The following ITPKB variants were observed in gnomAD, a reference collection of about 807,000 sequenced individuals.
The protein encoded by ITPKB is IP3 3-kinase B.
ITPKB carries 13 observed loss-of-function variants against 69.4 expected under a neutral mutation model. That is an observed-to-expected ratio of 0.19 (90% CI 0.12 to 0.30). The LOEUF (loss-of-function observed/expected upper bound fraction) is 0.30, where lower values mean the gene tolerates loss of function less well. Ranked by LOEUF, ITPKB falls within the 10% of genes least tolerant of loss-of-function variation. ITPKB has a pLI of 1.00. For synonymous variants in ITPKB, 584 were observed against 513.7 expected, an observed-to-expected ratio of 1.14 and a Z score of -1.85; for missense variants, 1,240 against 1,250.5, an observed-to-expected ratio of 0.99 and a Z score of 0.13.
chr1:226,658,674 G>A (rs747216125), intron 2 of ITPKB, among the ~76,000 whole-genome samples: 3 of 152,206 alleles, frequency 2.0e-5, no homozygotes, highest in South Asian at 2.1e-4. Context: ...TGATGTTCCC[G>A]CAGGCTGGAT....
chr1:226,655,812 G>A (rs1179935168), intron 2 of ITPKB, among the ~76,000 whole-genome samples: 1 of 152,194 alleles, frequency 6.6e-6, no homozygotes, highest in Non-Finnish European at 1.5e-5. Flanking sequence ...GTGCAATTTG[G>A]GGTGGGTAGA....
intron 6 of ITPKB, among the ~76,000 whole-genome samples, chr1:226,638,148 G>A (rs1463325097): frequency 1.3e-5 from 2 of 152,206 alleles, no homozygotes; most frequent in African/African-American, 4.8e-5. Context: ...CTGGAAAAGA[G>A]TGACAGCTGG....
intron 2 of ITPKB, among the ~76,000 whole-genome samples, chr1:226,672,657 T>C (rs570976658): frequency 1.4e-4 from 21 of 152,218 alleles, no homozygotes; most frequent in African/African-American, 5.1e-4. Context: ...GCTGAAAGAA[T>C]TGCCCTCTAA....
At chr1:226,676,049 G>A (rs1471709917) in intron 2 of ITPKB, 1 of 152,184 alleles carries the variant, frequency 6.6e-6, no homozygotes, top group Non-Finnish European at 1.5e-5. Flanking sequence ...CTCTCCAGAG[G>A]TGAAGACTTC....
At chr1:226,733,839 T>C (rs1657667384) in intron 2 of ITPKB, among the ~76,000 whole-genome samples, 1 of 152,214 alleles carries the variant, frequency 6.6e-6, no homozygotes, top group Non-Finnish European at 1.5e-5. Context: ...GATCTCCCTG[T>C]TAATTCTCTT....
At chr1:226,638,160 C>T (rs1385659056) in intron 6 of ITPKB, among the ~76,000 whole-genome samples, 4 of 152,188 alleles carry the variant, frequency 2.6e-5, no homozygotes, top group African/African-American at 4.8e-5. Flanking sequence ...GACAGCTGGC[C>T]GGGCCAGCCG....
At position 226,724,754 on chromosome 1, in the gene ITPKB, G is replaced by A. The variant is rs529580224; in HGVS notation, c.1932+10773C>T. ...TGTACTAAGCAGAAAAACCCCTGCCGAGCTCTCCTGACCATGTCCTTCTGG... is the reference window on the plus strand; with the variant it reads ...TGTACTAAGCAGAAAAACCCCTGCCAAGCTCTCCTGACCATGTCCTTCTGG... On this transcript the variant is annotated intron_variant, in intron 2 of 7. Transcript: ENST00000429204. Among the ~76,000 whole-genome samples the A allele has an allele frequency of 5.9e-5, 9 of 152,276 alleles. 1 individual carries two copies. The South Asian group carries it at 1.7e-3, about 28-fold the overall frequency.
At chr1:226,659,724 C>T (rs1669364514) in intron 2 of ITPKB, 2 of 152,048 alleles carry the variant, frequency 1.3e-5, no homozygotes, top group Admixed American at 6.5e-5. Flanking sequence ...GCACAGCAGA[C>T]CTGCAGGTGG....
At chr1:226,703,366 G>A (rs567312639) in intron 2 of ITPKB, among the ~76,000 whole-genome samples, 2 of 152,372 alleles carry the variant, frequency 1.3e-5, no homozygotes, top group African/African-American at 4.8e-5. Context: ...CCTCAGCTCA[G>A]GCCCGGTTCC....
intron 2 of ITPKB, among the ~76,000 whole-genome samples, chr1:226,652,785 A>G (rs1287931458): frequency 2.0e-5 from 3 of 152,096 alleles, no homozygotes; most frequent in Non-Finnish European, 2.9e-5. Context: ...AAAGCTCCCT[A>G]TGTGTGGCAG....
chr1:226,658,139 C>T (rs906182004), intron 2 of ITPKB, among the ~76,000 whole-genome samples: 3 of 152,230 alleles, frequency 2.0e-5, no homozygotes, highest in Non-Finnish European at 4.4e-5. Context: ...TGGAAAAAAT[C>T]CTTTTTTCCT....
rs529804443 is a variant in ITPKB, at chr1:226,634,945, C to T, written c.2626-59G>A. 2.0e-5 allele frequency: 28 copies of T among 1,375,712 alleles called. No individual in the cohort carries two copies. Among genetic ancestry groups the T allele is most frequent in the South Asian group, 1.8e-4 (14 of 76,474 alleles). 85.2% of individuals were successfully genotyped at this position (1,375,712 alleles called of 1,614,324 possible). A position where few individuals can be genotyped will look rare whatever the true frequency, so the allele number is the denominator to read the frequency against. On this transcript the variant is annotated intron_variant, in intron 7 of 7. Transcript: ENST00000429204. This position sits in a 1 kb window ranked among gnomAD's most constrained non-coding sequence, Gnocchi z 6.3. Reference sequence around the variant, plus strand: ...AGCCCGGGCCTCGCCCTCCCCACTGCGGCCCGGGGCCTGGGTGACCAGGTG... The same window carrying T: ...AGCCCGGGCCTCGCCCTCCCCACTGTGGCCCGGGGCCTGGGTGACCAGGTG...
intron 2 of ITPKB, chr1:226,656,528 G>C (rs1669292831): frequency 6.6e-6 from 1 of 152,268 alleles, no homozygotes. Flanking sequence ...TCCAGTCCCA[G>C]TGTACCCCAA....
rs1323183913 is a variant in ITPKB at position 226,737,018 on chromosome 1, C to T, written c.441G>A (p.Val147=). 6.2e-7 allele frequency: 1 copy of T among 1,612,836 alleles called. No homozygotes were observed. The highest frequency in any genetic ancestry group is 8.5e-7 in the Non-Finnish European group (1 of 1,179,950). ...ELQNVQVNQK[V]GMFEAHIQAQ... ...CCTGGATGTGCGCCTCAAACATGCC[C>T]ACTTTCTGGTTCACCTGCACGTTCT... The change falls in exon 2 of 8, where the codon GTG becomes GTA. Residue 147 remains valine, a synonymous_variant. Transcript: ENST00000429204.
At chr1:226,669,385 G>A (rs1265977295) in intron 2 of ITPKB, among the ~76,000 whole-genome samples, 3 of 149,624 alleles carry the variant, frequency 2.0e-5, no homozygotes, top group Middle Eastern at 6.8e-3. Context: ...CAACAAGAGC[G>A]AAACTCTGTC....
Position 226,654,792 on chromosome 1 carries a change from G to A in ITPKB, c.1933-6021C>T, listed in dbSNP as rs539431121. 5.3e-4 allele frequency among the ~76,000 whole-genome samples: 80 copies of A among 152,350 alleles called. 1 individual carries two copies. Among genetic ancestry groups the A allele is most frequent in the African/African-American group, 1.3e-3 (56 of 41,580 alleles). On this transcript the variant is annotated intron_variant, in intron 2 of 7. Coordinates refer to ENST00000429204, the MANE Select transcript of ITPKB (RefSeq NM_002221.4). ...TCAGGCATCCTCAGTCATGCTGTACGGAAACACTGCCTTCAACAAATCAGA... is the reference window on the plus strand; with the variant it reads ...TCAGGCATCCTCAGTCATGCTGTACAGAAACACTGCCTTCAACAAATCAGA...
chr1:226,650,683 CAG>C (rs1398168062), intron 2 of ITPKB, among the ~76,000 whole-genome samples: 1 of 152,226 alleles, frequency 6.6e-6, no homozygotes, highest in Non-Finnish European at 1.5e-5. Context: ...CAGCAGAGCT[CAG>C]AGAGGACAGG....
intron 2 of ITPKB, among the ~76,000 whole-genome samples, chr1:226,698,858 C>T (rs1656564171): frequency 6.6e-6 from 1 of 152,248 alleles, no homozygotes; most frequent in South Asian, 2.1e-4. Flanking sequence ...ATATCTCAGG[C>T]TGGTACCCTC....
chr1:226,732,329 C>T (rs982368359), intron 2 of ITPKB, among the ~76,000 whole-genome samples: 1 of 152,162 alleles, frequency 6.6e-6, no homozygotes, highest in African/African-American at 2.4e-5. Context: ...ACCTCTACCT[C>T]CAGTGTTCAA....
Sources: allele counts gnomAD v4.1 joint callset (sites outside exome capture counted in the v4.1 genomes callset), GRCh38; gene constraint gnomAD v4.1.1; non-coding constraint Gnocchi (gnomAD v3.1); transcripts MANE v1.5; gene names NCBI Gene and HGNC (gene_info 2026-07-23, HGNC 2026-07-21).